The following PCBP3 variants were observed in gnomAD, a reference collection of about 807,000 sequenced individuals.
PCBP3 encodes poly(rC) binding protein 3.
PCBP3 carries 25 observed loss-of-function variants against 52.7 expected under a neutral mutation model. The observed-to-expected ratio is 0.47, with a 90% CI of 0.35 to 0.66. PCBP3 has a LOEUF of 0.66. PCBP3 is among the 30% of genes least tolerant of loss of function. The probability of loss-of-function intolerance (pLI) is 0.01; values close to 1 mark genes in which losing one functional copy is unlikely to be tolerated. For synonymous variants in PCBP3, 162 were observed against 183.0 expected (o/e 0.89, Z 0.93); for missense variants, 391 against 490.3 (o/e 0.80, Z 1.91).
chr21:45,831,080 T>A (rs907856496), intron 4 of PCBP3: 10 of 152,786 alleles, frequency 6.5e-5, no homozygotes, highest in African/African-American at 2.4e-4. Flanking sequence ...GGCTTGTTCT[T>A]CTCTCCTGGC....
intron 1 of PCBP3, among the ~76,000 whole-genome samples, chr21:45,644,943 G>C (rs2079158464): frequency 6.6e-6 from 1 of 152,200 alleles, no homozygotes; most frequent in Non-Finnish European, 1.5e-5. Context: ...AAAGGAGTGT[G>C]CAAGGGTGCT....
At chr21:45,794,166 C>T (rs774011933) in intron 4 of PCBP3, among the ~76,000 whole-genome samples, 3 of 152,208 alleles carry the variant, frequency 2.0e-5, no homozygotes, top group African/African-American at 2.4e-5. Context: ...ATGCTACTCA[C>T]GCCCGTAGTA....
chr21:45,892,528 C>T (rs13051059), intron 5 of PCBP3, among the ~76,000 whole-genome samples: 62,631 of 140,022 alleles, frequency 0.45, 16,330 homozygotes, highest in African/African-American at 0.68. Context: ...CCGTCTCTCG[C>T]GGGGCTTCAT....
chr21:45,906,981 C>T (rs955245954), intron 9 of PCBP3, among the ~76,000 whole-genome samples: 3 of 152,178 alleles, frequency 2.0e-5, no homozygotes, highest in Non-Finnish European at 2.9e-5. Context: ...CAGGAAGAGC[C>T]GCAGTGGCCA....
At chr21:45,816,981 G>A (rs2092985054) in intron 4 of PCBP3, among the ~76,000 whole-genome samples, 1 of 152,122 alleles carries the variant, frequency 6.6e-6, no homozygotes, top group Non-Finnish European at 1.5e-5. Flanking sequence ...CAGCGTTGCA[G>A]GGTGATGGGA....
At chr21:45,750,635 T>C (rs530575718) in intron 3 of PCBP3, 2 of 152,304 alleles carry the variant, frequency 1.3e-5, no homozygotes, top group African/African-American at 4.8e-5. Context: ...AACAGTTTCC[T>C]AACTTTTCCA....
In PCBP3 at chr21:45,805,855, A is replaced by G. The variant is rs1451848288; in HGVS notation, c.-125-44106A>G. ...TGGCATTCCCTCCTAGCACCTGCAC[A>G]CTCGGATGGTCCTGAGGAAAGGAGG... On this transcript the variant is annotated intron_variant, in intron 4 of 17. Transcript: ENST00000681687. This position sits in a 1 kb window ranked among gnomAD's most constrained non-coding sequence, Gnocchi z 4.6. Among the ~76,000 whole-genome samples the G allele has an allele frequency of 4.0e-5, 6 of 151,806 alleles. No individual in the cohort carries two copies. Among genetic ancestry groups the G allele is most frequent in the Admixed American group, 3.3e-4 (5 of 15,242 alleles).
intron 15 of PCBP3, among the ~76,000 whole-genome samples, chr21:45,932,323 A>G (rs963049726): frequency 6.6e-6 from 1 of 151,616 alleles, no homozygotes; most frequent in African/African-American, 2.4e-5. Context: ...CCTGAGATGA[A>G]TGAACACATC....
chr21:45,787,921 C>G (rs2091270733), intron 4 of PCBP3, among the ~76,000 whole-genome samples: 1 of 152,128 alleles, frequency 6.6e-6, no homozygotes, highest in Non-Finnish European at 1.5e-5. Context: ...AGGTATAGCT[C>G]AGGTAATGCT....
chr21:45,874,500 C>CTTT, intron 5 of PCBP3, among the ~76,000 whole-genome samples: 1 of 146,324 alleles, frequency 6.8e-6, no homozygotes, highest in Non-Finnish European at 1.5e-5. Context: ...TCTTCTTCTT[C>CTTT]TTTTCTTTTT....
intron 4 of PCBP3, among the ~76,000 whole-genome samples, chr21:45,781,036 C>G (rs1448919624): frequency 6.6e-6 from 1 of 152,060 alleles, no homozygotes; most frequent in African/African-American, 2.4e-5. Flanking sequence ...AAGGTGATCA[C>G]CAGGAGGCTG....
At chr21:45,686,912 T>C (rs2082187216) in intron 2 of PCBP3, among the ~76,000 whole-genome samples, 2 of 151,884 alleles carry the variant, frequency 1.3e-5, no homozygotes, top group Admixed American at 1.3e-4. Context: ...TGACATAACC[T>C]AGAAGTCCCA....
At chr21:45,835,007 G>A (rs956717889) in intron 4 of PCBP3, among the ~76,000 whole-genome samples, 1 of 152,222 alleles carries the variant, frequency 6.6e-6, no homozygotes, top group Non-Finnish European at 1.5e-5. Context: ...TGAATGACGC[G>A]GGCAGCTTGG....
At chr21:45,901,436 A>C in intron 9 of PCBP3, 1 of 317,352 alleles carries the variant, frequency 3.2e-6, no homozygotes, top group Non-Finnish European at 6.2e-6. Context: ...TGGGGCGTGC[A>C]GCCTGGCTGA....
chr21:45,646,628 A>G (rs1031557687), intron 1 of PCBP3, among the ~76,000 whole-genome samples: 4 of 152,236 alleles, frequency 2.6e-5, no homozygotes, highest in Non-Finnish European at 5.9e-5. Context: ...GAATGGATTA[A>G]TCCATTTTAT....
chr21:45,823,834 C>A (rs768250004), intron 4 of PCBP3, among the ~76,000 whole-genome samples: 1 of 152,070 alleles, frequency 6.6e-6, no homozygotes, highest in Non-Finnish European at 1.5e-5. Flanking sequence ...CTCCATCTCC[C>A]GGGTTCCAGC....
chr21:45,646,101 C>CTCTCTT (rs2079273173), intron 1 of PCBP3, among the ~76,000 whole-genome samples: 1 of 76,436 alleles, frequency 1.3e-5, no homozygotes, highest in African/African-American at 4.5e-5. Context: ...CTCTCTCTCT[C>CTCTCTT]TCTCTCTGTG....
chr21:45,720,560 G>A (rs531810262), intron 2 of PCBP3, among the ~76,000 whole-genome samples: 1 of 152,300 alleles, frequency 6.6e-6, no homozygotes, highest in Admixed American at 6.5e-5. Context: ...TTTAAGCAGT[G>A]TGAGTAAATT....
At chr21:45,865,938 C>T (rs570881219) in intron 5 of PCBP3, among the ~76,000 whole-genome samples, 27 of 152,302 alleles carry the variant, frequency 1.8e-4, no homozygotes, top group Admixed American at 5.9e-4. Flanking sequence ...GGCCACAGGC[C>T]GGATGCTATG....
Sources: allele counts gnomAD v4.1 joint callset (sites outside exome capture counted in the v4.1 genomes callset), GRCh38; gene constraint gnomAD v4.1.1; non-coding constraint Gnocchi (gnomAD v3.1); transcripts MANE v1.5; gene names NCBI Gene and HGNC (gene_info 2026-07-23, HGNC 2026-07-21).